Variants in REEP5 observed in about 807,000 individuals in gnomAD.
REEP5 encodes receptor expression-enhancing protein 5.
A neutral mutation model predicts 22.4 loss-of-function variants in REEP5; 24 were observed. The observed-to-expected ratio is 1.07, with a 90% CI of 0.78 to 1.51. The LOEUF (loss-of-function observed/expected upper bound fraction) is 1.51. Among genes scored for constraint, REEP5 ranks in the 40% most tolerant of loss-of-function variants. The pLI, the probability that REEP5 is intolerant of heterozygous loss-of-function variation, is 0.00. For missense variants in REEP5, 252 were observed against 233.0 expected (o/e 1.08, Z -0.53); for synonymous variants, 103 against 88.6 (o/e 1.16, Z -0.92).
rs747403967 is a variant in REEP5 at position 112,887,120 on chromosome 5, G to T, written c.415C>A (p.Arg139Ser). Residue 139 changes from arginine (R) to serine (S), a missense_variant, in exon 4 of 5, where the codon CGC becomes AGC. Arg to Ser is a moderately radical substitution (Grantham distance 110). Coordinates refer to ENST00000379638, the MANE Select transcript of REEP5 (RefSeq NM_005669.5). ...TTCAGGAAGAAAGGACGGATGATGCGCTTGTAGAGCAGTTCAGCCCCATTA... is the reference window on the plus strand; with the variant it reads ...TTCAGGAAGAAAGGACGGATGATGCTCTTGTAGAGCAGTTCAGCCCCATTA... ...PSNGAELLYK[R>S]IIRPFFLKHE... 3 of 1,613,464 alleles carry T rather than the reference G, an allele frequency of 1.9e-6. No individual in the cohort carries two copies. The East Asian group carries it at 6.7e-5, about 36-fold the overall frequency.
At chr5:112,909,939 A>C (rs897860445) in intron 2 of REEP5, among the ~76,000 whole-genome samples, 6 of 152,226 alleles carry the variant, frequency 3.9e-5, no homozygotes, top group Non-Finnish European at 1.5e-5. Context: ...CCCATGACAC[A>C]AGTAAGCTGT....
chr5:112,884,387 A>ATT (rs1328520628), intron 4 of REEP5, among the ~76,000 whole-genome samples: 10 of 129,964 alleles, frequency 7.7e-5, no homozygotes, highest in African/African-American at 2.3e-4. Context: ...ACCATTTTCT[A>ATT]TTTTTTTTTT....
In REEP5 at chr5:112,878,928, T is replaced by A. The variant is rs182499717; in HGVS notation, c.521-93A>T. 441 of 1,589,330 alleles carry A rather than the reference T, an allele frequency of 2.8e-4. 1 individual carries two copies. The highest frequency in any genetic ancestry group is 3.6e-4 in the Non-Finnish European group (421 of 1,161,874). ...CTTTGTGCCTAATGTAGCTACTAGA[T>A]AACAAAACTTGGATGACTCATGTTC... is the stretch of plus-strand genomic sequence containing the variant. On this transcript the variant is annotated intron_variant, in intron 4 of 4. Coordinates refer to ENST00000379638, the MANE Select transcript of REEP5 (RefSeq NM_005669.5).
chr5:112,885,250 A>C, intron 4 of REEP5: 2 of 168,588 alleles, frequency 1.2e-5, no homozygotes, highest in South Asian at 2.4e-4. Flanking sequence ...AGGAGGAAAA[A>C]CAGGATTAGC....
chr5:112,892,006 G>C (rs1156244331), intron 3 of REEP5: 1 of 1,288,844 alleles, frequency 7.8e-7, no homozygotes, highest in Non-Finnish European at 1.1e-6. Context: ...GCAGAGGAAA[G>C]AGAGAGAAGA....
chr5:112,909,565 G>A (rs947151156), intron 2 of REEP5, among the ~76,000 whole-genome samples: 4 of 152,080 alleles, frequency 2.6e-5, no homozygotes, highest in Admixed American at 2.0e-4. Flanking sequence ...ATTCATGTTT[G>A]CAGGTAGTGG....
intron 2 of REEP5, among the ~76,000 whole-genome samples, chr5:112,904,952 C>G (rs1391858268): frequency 6.6e-6 from 1 of 152,084 alleles, no homozygotes; most frequent in Non-Finnish European, 1.5e-5. Flanking sequence ...AATACATACA[C>G]TGATCACAAC....
intron 3 of REEP5, among the ~76,000 whole-genome samples, chr5:112,888,436 A>T (rs2150037143): frequency 6.6e-6 from 1 of 152,296 alleles, no homozygotes; most frequent in East Asian, 1.9e-4. Flanking sequence ...TCTCCAGATT[A>T]TTCTTTCTGA....
chr5:112,909,192 T>C (rs1307581054), intron 2 of REEP5, among the ~76,000 whole-genome samples: 1 of 149,290 alleles, frequency 6.7e-6, no homozygotes, highest in Non-Finnish European at 1.5e-5. Context: ...TATATGACCC[T>C]GGGCAAGTTA....
intron 2 of REEP5, among the ~76,000 whole-genome samples, chr5:112,919,994 G>A (rs575331532): frequency 6.6e-5 from 10 of 152,194 alleles, no homozygotes; most frequent in African/African-American, 1.4e-4. Flanking sequence ...AACACCGACC[G>A]CCTGAATATT....
Position 112,887,179 on chromosome 5 carries a change from C to T in REEP5, c.356G>A (p.Gly119Asp). The stretch of plus-strand genomic sequence containing the variant: ...CGGGGCCATGCACCACAACAGGAAG[C>T]CACACTGCACAGAAAAAGAGCCAGC... ...WFPFYYMLKC[G>D]FLLWCMAPSP... The change falls in exon 4 of 5, where the codon GGC (glycine) becomes GAC (aspartate). Residue 119 changes from glycine to aspartate, a missense_variant. Transcript: ENST00000379638. 4 of 1,587,544 alleles carry T rather than the reference C, an allele frequency of 2.5e-6. No individual in the cohort carries two copies. The highest frequency in any genetic ancestry group is 3.4e-6 in the Non-Finnish European group (4 of 1,162,180).
intron 4 of REEP5, among the ~76,000 whole-genome samples, chr5:112,883,820 C>T (rs1024842350): frequency 9.9e-5 from 15 of 152,164 alleles, no homozygotes; most frequent in African/African-American, 3.1e-4. Context: ...CCTGTTCTAC[C>T]CAGTCTTCTC....
chr5:112,921,306 C>T (rs1218815861), intron 1 of REEP5, 50 bp from the exon 2 acceptor site: 2 of 1,571,544 alleles, frequency 1.3e-6, no homozygotes, highest in African/African-American at 1.3e-5. Flanking sequence ...GAGCCGTTCA[C>T]GCGGGACAGC....
At position 112,877,256 on chromosome 5, in the gene REEP5, G is replaced by A. The variant is rs1442331369; in HGVS notation, c.*1530C>T. The stretch of plus-strand genomic sequence containing the variant: ...AATATTTTTTACATCATGAGACATT[G>A]TTATGATCTTACCTGATTGTTATCT... On this transcript the variant is annotated 3_prime_UTR_variant, in exon 5 of 5. Transcript: ENST00000379638. The A allele has an allele frequency of 1.3e-5, 2 of 152,102 alleles. No homozygotes were observed. The highest frequency in any genetic ancestry group is 2.9e-5 in the Non-Finnish European group (2 of 68,012). 9.4% of individuals were successfully genotyped at this position (152,102 alleles called of 1,614,324 possible).
intron 4 of REEP5, among the ~76,000 whole-genome samples, chr5:112,880,291 C>A (rs1287028384): frequency 6.6e-6 from 1 of 152,148 alleles, no homozygotes; most frequent in East Asian, 1.9e-4. Context: ...CTGCAGGAGA[C>A]CAAGCCTTCC....
chr5:112,903,319 C>T (rs1428639511), intron 2 of REEP5, among the ~76,000 whole-genome samples: 1 of 152,106 alleles, frequency 6.6e-6, no homozygotes, highest in Non-Finnish European at 1.5e-5. Context: ...AATAAAAGAA[C>T]TCTGAATCTT....
chr5:112,892,640 T>C lies in REEP5; in HGVS notation c.352-5457A>G, dbSNP rs572704298. On this transcript the variant is annotated intron_variant, in intron 3 of 4. Coordinates refer to ENST00000379638, the MANE Select transcript of REEP5 (RefSeq NM_005669.5). Reference sequence around the variant, plus strand: ...CCAAGAGGAAAACACTGCAACTTTCTTCATGTGTTCAGAAATCCCAACAAT... The same window carrying C: ...CCAAGAGGAAAACACTGCAACTTTCCTCATGTGTTCAGAAATCCCAACAAT... 7 of 1,614,154 alleles carry C rather than the reference T, an allele frequency of 4.3e-6. No individual in the cohort carries two copies. The African/African-American group carries it at 9.3e-5, about 22-fold the overall frequency.
chr5:112,919,584 G>T (rs1310221251), intron 2 of REEP5, among the ~76,000 whole-genome samples: 1 of 152,038 alleles, frequency 6.6e-6, no homozygotes, highest in African/African-American at 2.4e-5. Flanking sequence ...AAAGAAACAG[G>T]CATGAGAGCT....
chr5:112,894,268 T>C (rs1456167554), intron 3 of REEP5: 1 of 152,142 alleles, frequency 6.6e-6, no homozygotes, highest in Non-Finnish European at 1.5e-5. Context: ...TACAGGCGCA[T>C]GCCACCGTGC....
Sources: allele counts gnomAD v4.1 joint callset (sites outside exome capture counted in the v4.1 genomes callset), GRCh38; gene constraint gnomAD v4.1.1; transcripts MANE v1.5; gene names NCBI Gene and HGNC (gene_info 2026-07-23, HGNC 2026-07-21).